CAPN8: variants seen among roughly 807,000 people sequenced by gnomAD.
CAPN8 encodes the protein calpain 8.
CAPN8 carries 87 observed loss-of-function variants against 80.9 expected under a neutral mutation model. The observed-to-expected ratio is 1.07, with a 90% confidence interval of 0.90 to 1.28. The LOEUF is 1.28. CAPN8 is among the 50% of genes most tolerant of loss of function. CAPN8 has a pLI of 0.00. For synonymous variants in CAPN8, 299 were observed against 273.8 expected (o/e 1.09, Z -0.91); for missense variants, 757 against 702.0 (o/e 1.08, Z -0.89).
At chr1:223,620,122 A>G (rs1360377232) in intron 8 of CAPN8, 70 bp downstream of exon 8, 1 of 1,307,204 alleles carries the variant, frequency 7.6e-7, no homozygotes, top group East Asian at 2.5e-5. Context: ...CCAGAGACCT[A>G]GAGTTCACAT....
intron 2 of CAPN8, among the ~76,000 whole-genome samples, chr1:223,642,024 T>C (rs1452840029): frequency 6.6e-6 from 1 of 152,182 alleles, no homozygotes; most frequent in Non-Finnish European, 1.5e-5. Context: ...ATTAAGAACC[T>C]GGCACACCTT....
At chr1:223,545,075 T>C in intron 17 of CAPN8, 156 bp downstream of exon 17, 1 of 1,402,530 alleles carries the variant, frequency 7.1e-7, no homozygotes, top group Admixed American at 2.3e-5. Flanking sequence ...GGCATGAGAG[T>C]CTCTCATTGC....
At chr1:223,664,969 G>A (rs1368829420) in intron 1 of CAPN8, among the ~76,000 whole-genome samples, 2 of 151,964 alleles carry the variant, frequency 1.3e-5, no homozygotes, top group African/African-American at 4.8e-5. Context: ...AAGGTGATGG[G>A]GGGGCCAGAT....
chr1:223,553,525 C>T, intron 14 of CAPN8, among the ~76,000 whole-genome samples: 1 of 152,276 alleles, frequency 6.6e-6, no homozygotes, highest in East Asian at 1.9e-4. Flanking sequence ...TTCAGAGACC[C>T]CAATCTGACA....
chr1:223,609,263 G>A lies in CAPN8; in HGVS notation c.1425C>T (p.Gly475=), dbSNP rs1384954956. 1 of 398,550 alleles carries A rather than the reference G, an allele frequency of 2.5e-6. No homozygotes were observed. The highest frequency in any genetic ancestry group is 4.4e-6 in the Non-Finnish European group (1 of 226,090). The allele number at this position is 398,550 out of a possible 1,614,324, so 24.7% of individuals were successfully genotyped here. A position where few individuals can be genotyped will look rare whatever the true frequency, so the allele number is the denominator to read the frequency against. ...ACTCCCCAGGGGGCAGCCGGGCCCGGCCAGAGACCTCCCGCAGGTTGACGT... is the reference window on the plus strand; with the variant it reads ...ACTCCCCAGGGGGCAGCCGGGCCCGACCAGAGACCTCCCGCAGGTTGACGT... ...STYVNLREVS[G]RARLPPGEYL... is the part of the protein sequence containing the mutation. The change falls in exon 12 of 21, where the codon GGC becomes GGT. Residue 475 remains glycine (G), a synonymous_variant. Coordinates refer to ENST00000366872, the MANE Select transcript of CAPN8 (RefSeq NM_001143962.2).
At chr1:223,639,671 G>GT (rs923195339) in intron 2 of CAPN8, among the ~76,000 whole-genome samples, 1 of 152,238 alleles carries the variant, frequency 6.6e-6, no homozygotes, top group African/African-American at 2.4e-5. Flanking sequence ...ACCTCTTCTG[G>GT]TTTTGAGGGC....
chr1:223,637,282 C>T (rs1657922610), intron 2 of CAPN8, among the ~76,000 whole-genome samples: 1 of 152,164 alleles, frequency 6.6e-6, no homozygotes, highest in Non-Finnish European at 1.5e-5. Context: ...ATCCTGCAGC[C>T]CTAGCACTAT....
intron 2 of CAPN8, among the ~76,000 whole-genome samples, chr1:223,638,360 GGTGT>G (rs34370642): frequency 1.3e-5 from 2 of 150,640 alleles, no homozygotes; most frequent in African/African-American, 4.9e-5. Context: ...GACTGTATGG[GGTGT>G]GTGTGTGTGT....
intron 1 of CAPN8, 90 bp downstream of exon 1, chr1:223,665,320 C>A (rs1052606411): frequency 7.8e-6 from 8 of 1,030,096 alleles, no homozygotes; most frequent in Non-Finnish European, 1.1e-5. Context: ...ACTTAGGGTC[C>A]ACAGCCTCAA....
intron 2 of CAPN8, among the ~76,000 whole-genome samples, chr1:223,629,792 G>A (rs1272030740): frequency 6.6e-6 from 1 of 152,164 alleles, no homozygotes; most frequent in African/African-American, 2.4e-5. Context: ...CACCTTCATT[G>A]TAGATCTCTA....
At chr1:223,663,101 C>G (rs1658693983) in intron 1 of CAPN8, among the ~76,000 whole-genome samples, 1 of 152,222 alleles carries the variant, frequency 6.6e-6, no homozygotes, top group African/African-American at 2.4e-5. Context: ...CCGCATTACT[C>G]AGGTTCTACT....
chr1:223,629,483 A>G (rs1657713087), intron 2 of CAPN8, among the ~76,000 whole-genome samples: 1 of 152,186 alleles, frequency 6.6e-6, no homozygotes, highest in Admixed American at 6.5e-5. Flanking sequence ...GCAGAAGAAA[A>G]CAGAAAACCC....
At chr1:223,649,690 A>C (rs1044523740) in intron 2 of CAPN8, among the ~76,000 whole-genome samples, 5 of 152,230 alleles carry the variant, frequency 3.3e-5, no homozygotes, top group Admixed American at 3.3e-4. Context: ...CTGGCAAAGG[A>C]AAATGAAAAA....
chr1:223,546,599 G>A (rs1484818307), intron 16 of CAPN8, among the ~76,000 whole-genome samples: 4 of 152,082 alleles, frequency 2.6e-5, no homozygotes, highest in East Asian at 1.9e-4. Flanking sequence ...GCTAACACTC[G>A]GGGCTAGGTA....
At chr1:223,648,373 C>A (rs182811896) in intron 2 of CAPN8, among the ~76,000 whole-genome samples, 62 of 152,258 alleles carry the variant, frequency 4.1e-4, no homozygotes, top group Non-Finnish European at 3.2e-4. Context: ...TAGATTTGGC[C>A]CTTTATGTTC....
intron 19 of CAPN8, among the ~76,000 whole-genome samples, 171 bp downstream of exon 19, chr1:223,543,896 G>A (rs2102685498): frequency 6.6e-6 from 1 of 152,318 alleles, no homozygotes; most frequent in East Asian, 1.9e-4. Context: ...AGCCCCTTCA[G>A]GTCCAGCTGC....
chr1:223,652,743 T>C (rs2102734447), intron 2 of CAPN8, among the ~76,000 whole-genome samples: 1 of 152,150 alleles, frequency 6.6e-6, no homozygotes, highest in South Asian at 2.1e-4. Context: ...CCAGCCCCTT[T>C]CCGCTCTGTT....
At chr1:223,664,174 G>A (rs1658726480) in intron 1 of CAPN8, among the ~76,000 whole-genome samples, 1 of 152,184 alleles carries the variant, frequency 6.6e-6, no homozygotes. Context: ...CCTTGCCCTT[G>A]AGCTTTGGGT....
At chr1:223,556,302 G>GGT (rs1165666796) in intron 13 of CAPN8, among the ~76,000 whole-genome samples, 236 of 150,770 alleles carry the variant, frequency 1.6e-3, no homozygotes, top group African/African-American at 3.4e-3. Flanking sequence ...TGTATTCTGG[G>GGT]GTGTGTGTGT....
Sources: gnomAD v4.1 joint callset for allele counts (sites outside exome capture counted in the v4.1 genomes callset) on GRCh38, gnomAD v4.1.1 for gene constraint, MANE v1.5 for transcripts, NCBI Gene and HGNC (gene_info 2026-07-23, HGNC 2026-07-21) for gene names.